Variants in CACNA2D2 observed in about 807,000 individuals in gnomAD.
CACNA2D2 encodes voltage-dependent calcium channel subunit alpha-2/delta-2.
A neutral mutation model predicts 166.4 loss-of-function variants in CACNA2D2; 48 were observed. That is an observed-to-expected ratio of 0.29 (90% CI 0.23 to 0.37). The LOEUF (loss-of-function observed/expected upper bound fraction) is 0.37. Ranked by LOEUF, CACNA2D2 falls within the 10% of genes least tolerant of loss-of-function variation. The probability of loss-of-function intolerance (pLI) is 1.00; values close to 1 mark genes in which losing one functional copy is unlikely to be tolerated. For synonymous variants in CACNA2D2, 561 were observed against 573.7 expected, an observed-to-expected ratio of 0.98 and a Z score of 0.32; for missense variants, 1,122 against 1,433.0, an observed-to-expected ratio of 0.78 and a Z score of 3.50.
chr3:50,443,208 G>A (rs911746236), intron 2 of CACNA2D2, among the ~76,000 whole-genome samples: 2 of 152,212 alleles, frequency 1.3e-5, no homozygotes, highest in African/African-American at 2.4e-5. Context: ...TGGTGTGGGC[G>A]CCCATGTTTA....
rs149788354 is a variant in CACNA2D2, at chr3:50,488,841, G to A, written c.207-12642C>T. Among the ~76,000 whole-genome samples the A allele has an allele frequency of 1.2e-3, 176 of 151,708 alleles. 2 individuals carry two copies. Among genetic ancestry groups the A allele is most frequent in the African/African-American group, 3.8e-3 (159 of 41,364 alleles). ...CAGCCTCCCGAGTACCTGGGACTAC[G>A]GGCGCCCACCACCACACCTGGCTAA... is the stretch of plus-strand genomic sequence containing the variant. On this transcript the variant is annotated intron_variant, in intron 1 of 37. Coordinates refer to ENST00000424201, the MANE Select transcript of CACNA2D2 (RefSeq NM_006030.4).
At chr3:50,402,548 C>T (rs1449588879) in intron 3 of CACNA2D2, among the ~76,000 whole-genome samples, 1 of 152,238 alleles carries the variant, frequency 6.6e-6, no homozygotes, top group Non-Finnish European at 1.5e-5. Flanking sequence ...TGAACTGTGG[C>T]TTCAGAGCCC....
At chr3:50,394,242 A>C in intron 3 of CACNA2D2, 74 bp from the exon 4 acceptor site, 1 of 1,243,074 alleles carries the variant, frequency 8.0e-7, no homozygotes, top group Non-Finnish European at 1.2e-6. Context: ...AAGCCTCTCC[A>C]TCCCCAGCAC....
At chr3:50,431,581 T>G (rs1435706087) in intron 3 of CACNA2D2, among the ~76,000 whole-genome samples, 1 of 152,216 alleles carries the variant, frequency 6.6e-6, no homozygotes, top group Non-Finnish European at 1.5e-5. Context: ...GAAGCCAAGG[T>G]AGCCAGGGCT....
chr3:50,426,850 G>A (rs181003334), intron 3 of CACNA2D2, among the ~76,000 whole-genome samples: 2 of 152,278 alleles, frequency 1.3e-5, no homozygotes, highest in East Asian at 3.9e-4. Context: ...ACTAGCTCAG[G>A]CGGGTGGCTG....
rs1269521868 is a variant in CACNA2D2, at chr3:50,380,112, T to A, written c.843-94A>T. 7 of 1,309,834 alleles carry A rather than the reference T, an allele frequency of 5.3e-6. No homozygotes were observed. Among genetic ancestry groups the A allele is most frequent in the Non-Finnish European group, 6.6e-6 (6 of 912,200 alleles). The allele number at this position is 1,309,834 out of a possible 1,614,324, so 81.1% of individuals were successfully genotyped here. The stretch of plus-strand genomic sequence containing the variant: ...ACATATTGATTCAATACATTTCTCT[T>A]GAGCATGCACTGTGTGGGCCAGGCA... On this transcript the variant is annotated intron_variant, in intron 8 of 37. Transcript: ENST00000424201. The surrounding 1 kb of genome is among the most constrained non-coding windows in gnomAD (Gnocchi z 4.9).
chr3:50,429,266 G>A (rs773335942), intron 3 of CACNA2D2, among the ~76,000 whole-genome samples: 3 of 152,000 alleles, frequency 2.0e-5, no homozygotes, highest in Non-Finnish European at 2.9e-5. Flanking sequence ...GTGAGACCTG[G>A]AGCAAGTGGC....
At chr3:50,400,142 T>G (rs1706371695) in intron 3 of CACNA2D2, among the ~76,000 whole-genome samples, 1 of 152,238 alleles carries the variant, frequency 6.6e-6, no homozygotes, top group Admixed American at 6.5e-5. Flanking sequence ...TATTTAAAAC[T>G]GTCTAAAAAC....
chr3:50,502,688 C>T (rs947322172), intron 1 of CACNA2D2, among the ~76,000 whole-genome samples: 4 of 152,226 alleles, frequency 2.6e-5, no homozygotes, highest in Non-Finnish European at 5.9e-5. Flanking sequence ...GTGGCACTGG[C>T]CACAGCAAGA....
At chr3:50,403,948 C>T (rs1404833921) in intron 3 of CACNA2D2, among the ~76,000 whole-genome samples, 1 of 152,200 alleles carries the variant, frequency 6.6e-6, no homozygotes. Flanking sequence ...TGATTCCCTC[C>T]CAGATGTGGT....
intron 1 of CACNA2D2, among the ~76,000 whole-genome samples, chr3:50,491,499 T>G (rs1698519128): frequency 6.6e-6 from 1 of 152,150 alleles, no homozygotes; most frequent in African/African-American, 2.4e-5. Flanking sequence ...TCCCCTCAAG[T>G]TGCTCTGCCC....
At chr3:50,389,716 C>T (rs953114164) in intron 4 of CACNA2D2, among the ~76,000 whole-genome samples, 115 of 152,214 alleles carry the variant, frequency 7.6e-4, no homozygotes, top group African/African-American at 2.7e-3. Flanking sequence ...ATATTGGTGG[C>T]GTCAGGGACA....
At position 50,380,798 on chromosome 3, in the gene CACNA2D2, C is replaced by T. The variant is rs764918367; in HGVS notation, c.792G>A (p.Pro264=). The T allele has an allele frequency of 7.1e-6, 11 of 1,544,312 alleles. No homozygotes were observed. Among genetic ancestry groups the T allele is most frequent in the Middle Eastern group, 1.7e-4 (1 of 5,762 alleles). The change falls in exon 8 of 38, where the codon CCG becomes CCA. Residue 264 remains proline (P), a synonymous_variant. Coordinates refer to ENST00000424201, the MANE Select transcript of CACNA2D2 (RefSeq NM_006030.4). This position sits in a 1 kb window ranked among gnomAD's most constrained non-coding sequence, Gnocchi z 4.9. ...GGTCGATCTTCTTGGGGGCTCGCCA[C>T]GGGGTGGCTGAGGGAGGAGAGAAGG... The part of the protein sequence containing the change: ...TGVTRYYPAT[P]WRAPKKIDLY...
At chr3:50,472,210 A>G (rs1710128227) in intron 2 of CACNA2D2, among the ~76,000 whole-genome samples, 1 of 152,224 alleles carries the variant, frequency 6.6e-6, no homozygotes, top group Non-Finnish European at 1.5e-5. Context: ...CGGTTTCCCC[A>G]TTTGTATGAC....
At position 50,367,543 on chromosome 3, in the gene CACNA2D2, G is replaced by A. The variant is rs183331545; in HGVS notation, c.2298-46C>T. The A allele has an allele frequency of 1.2e-5, 19 of 1,607,552 alleles. No homozygotes were observed. Among genetic ancestry groups the A allele is most frequent in the Admixed American group, 1.7e-5 (1 of 59,816 alleles). On this transcript the variant is annotated intron_variant, in intron 26 of 37. Transcript: ENST00000424201. This position sits in a 1 kb window ranked among gnomAD's most constrained non-coding sequence, Gnocchi z 6.5. The stretch of plus-strand genomic sequence containing the variant: ...ACTGGTAGGTAAGGGGTGGCTTGTC[G>A]GGGACAGTGGTCTCCACAGATGCAA...
chr3:50,404,512 C>A (rs1187537841), intron 3 of CACNA2D2, among the ~76,000 whole-genome samples: 2 of 152,154 alleles, frequency 1.3e-5, no homozygotes, highest in Non-Finnish European at 2.9e-5. Flanking sequence ...GCTCAGCACC[C>A]CTGCCCTGGT....
intron 3 of CACNA2D2, among the ~76,000 whole-genome samples, chr3:50,423,534 T>C (rs910300374): frequency 2.0e-5 from 3 of 152,258 alleles, no homozygotes; most frequent in African/African-American, 4.8e-5. Flanking sequence ...GATGAATATG[T>C]GAATCAAGAA....
At chr3:50,396,482 T>C (rs1486259341) in intron 3 of CACNA2D2, among the ~76,000 whole-genome samples, 2 of 152,152 alleles carry the variant, frequency 1.3e-5, no homozygotes, top group African/African-American at 4.8e-5. Flanking sequence ...ACTCCTCTTC[T>C]TCCTTTTCCA....
At chr3:50,378,825 A>C (rs1207862117) in intron 13 of CACNA2D2, 90 bp downstream of exon 13, 1 of 1,477,378 alleles carries the variant, frequency 6.8e-7, no homozygotes, top group Non-Finnish European at 9.4e-7. Flanking sequence ...GTGAACACAC[A>C]GCTGGACATA....
Sources: gnomAD v4.1 joint callset for allele counts (sites outside exome capture counted in the v4.1 genomes callset) on GRCh38, gnomAD v4.1.1 for gene constraint, Gnocchi (gnomAD v3.1) non-coding constraint, MANE v1.5 for transcripts, NCBI Gene and HGNC (gene_info 2026-07-23, HGNC 2026-07-21) for gene names.